Variants in THADA observed in about 807,000 individuals in gnomAD.
THADA encodes the protein tRNA (32-2'-O)-methyltransferase regulator THADA.
A neutral mutation model predicts 219.8 loss-of-function variants in THADA; 213 were observed. The observed-to-expected ratio is 0.97, with a 90% confidence interval of 0.87 to 1.09. The LOEUF (loss-of-function observed/expected upper bound fraction) is 1.09, where lower values mean the gene tolerates loss of function less well. Among genes scored for constraint, THADA ranks in the 50% least tolerant of loss-of-function variants. The probability of loss-of-function intolerance (pLI) is 0.00; values close to 1 mark genes in which losing one functional copy is unlikely to be tolerated. For synonymous variants in THADA, 1,018 were observed against 828.9 expected (o/e 1.23, Z -3.92); for missense variants, 2,956 against 2,311.3 (o/e 1.28, Z -5.72).
In THADA at chr2:43,515,042, A is replaced by T. The variant is rs1349311575; in HGVS notation, c.3375-6262T>A. Reference sequence around the variant, plus strand: ...TATTTTATATATAATATATATAAATATATATATTTTATATATAATATATTT... The same window carrying T: ...TATTTTATATATAATATATATAAATTTATATATTTTATATATAATATATTT... On this transcript the variant is annotated intron_variant, in intron 22 of 37. Coordinates refer to ENST00000405975, the MANE Select transcript of THADA (RefSeq NM_022065.5). Among the ~76,000 whole-genome samples, 2 of 53,522 alleles carry T rather than the reference A, an allele frequency of 3.7e-5. 1 individual carries two copies. The highest frequency in any genetic ancestry group is 6.0e-5 in the Non-Finnish European group (2 of 33,414). 35.1% of individuals were successfully genotyped at this position (53,522 alleles called of 152,430 possible). A position where few individuals can be genotyped will look rare whatever the true frequency, so the allele number is the denominator to read the frequency against.
intron 22 of THADA, among the ~76,000 whole-genome samples, chr2:43,523,185 C>T (rs1007435406): frequency 3.0e-4 from 45 of 151,736 alleles, no homozygotes; most frequent in African/African-American, 9.9e-4. Flanking sequence ...AGCAACATGG[C>T]GAAACCCCAT....
At chr2:43,579,834 C>G (rs975389723) in intron 8 of THADA, among the ~76,000 whole-genome samples, 2 of 152,218 alleles carry the variant, frequency 1.3e-5, no homozygotes, top group South Asian at 2.1e-4. Context: ...AGCAGAAAAG[C>G]AGAAAATGTG....
At chr2:43,303,841 T>C (rs1364587142) in intron 31 of THADA, among the ~76,000 whole-genome samples, 1 of 151,542 alleles carries the variant, frequency 6.6e-6, no homozygotes, top group Non-Finnish European at 1.5e-5. Context: ...AGACCGGCGG[T>C]TCTCAAACTT....
chr2:43,278,414 T>G (rs1248799275), intron 36 of THADA, among the ~76,000 whole-genome samples: 1 of 152,178 alleles, frequency 6.6e-6, no homozygotes, highest in Non-Finnish European at 1.5e-5. Context: ...ATCTACTGAG[T>G]ATTATATTCC....
At chr2:43,244,860 C>G (rs1668970490) in intron 36 of THADA, among the ~76,000 whole-genome samples, 1 of 152,214 alleles carries the variant, frequency 6.6e-6, no homozygotes, top group Non-Finnish European at 1.5e-5. Context: ...CACTTCATTC[C>G]TATCTGCATG....
rs753559983 is a variant in THADA at position 43,430,281 on chromosome 2, G to A, written c.3858C>T (p.Phe1286=). Residue 1286 remains phenylalanine, a synonymous_variant, in exon 27 of 38, where the codon TTC becomes TTT. Transcript: ENST00000405975. The part of the protein sequence containing the change: ...KTNRMTGREF[F]SRFPELYPFL... ...AAGGATAGAGTTCTGGGAAACGAGA[G>A]AAAAACTCTCTCCCTGTCATTCTGT... 1.5e-5 allele frequency: 24 copies of A among 1,548,632 alleles called. No individual in the cohort carries two copies. The South Asian group carries it at 2.7e-4, about 17-fold the overall frequency.
intron 8 of THADA, among the ~76,000 whole-genome samples, chr2:43,580,198 T>C (rs886864123): frequency 6.6e-6 from 1 of 151,136 alleles, no homozygotes; most frequent in Admixed American, 6.6e-5. Context: ...CTAATGTTTT[T>C]TTTTGTATTT....
chr2:43,399,557 T>C (rs1674523049), intron 28 of THADA, among the ~76,000 whole-genome samples: 1 of 152,030 alleles, frequency 6.6e-6, no homozygotes, highest in African/African-American at 2.4e-5. Context: ...AAAAGAAGTA[T>C]GGGGTGTTTA....
At chr2:43,424,636 T>C (rs886143231) in intron 28 of THADA, among the ~76,000 whole-genome samples, 1 of 152,226 alleles carries the variant, frequency 6.6e-6, no homozygotes, top group African/African-American at 2.4e-5. Context: ...GCATACAGTT[T>C]TATCACATTC....
intron 26 of THADA, among the ~76,000 whole-genome samples, chr2:43,437,112 A>T (rs993540754): frequency 1.3e-5 from 2 of 152,214 alleles, no homozygotes; most frequent in Middle Eastern, 3.2e-3. Context: ...TCAATTAAAA[A>T]CATGGTACAA....
At chr2:43,261,216 CTTTTTTTTTT>C (rs1181680289) in intron 36 of THADA, among the ~76,000 whole-genome samples, 7,896 of 77,386 alleles carry the variant, frequency 0.1, 320 homozygotes, top group South Asian at 0.28. Flanking sequence ...TTGTGCATTT[CTTTTTTTTTT>C]TTTTTTTTTT....
intron 26 of THADA, among the ~76,000 whole-genome samples, chr2:43,475,111 T>C (rs185696559): frequency 6.6e-6 from 1 of 152,240 alleles, no homozygotes; most frequent in African/African-American, 2.4e-5. Flanking sequence ...AAATAATTAA[T>C]AATCCCAACA....
rs776347080 is a variant in THADA at position 43,574,473 on chromosome 2, A to T, written c.1592T>A (p.Leu531His). Residue 531 changes from leucine to histidine, a missense_variant, in exon 11 of 38, where the codon CTT becomes CAT. Leu to His is a moderately conservative substitution (Grantham distance 99, BLOSUM62 -3). Coordinates refer to ENST00000405975, the MANE Select transcript of THADA (RefSeq NM_022065.5). Reference protein sequence around the residue: ...QWHETWVSPLLFILCEGNLDQ... With the variant: ...QWHETWVSPLHFILCEGNLDQ... Reference sequence around the variant, plus strand: ...CAAGTTTCCTTCACACAATATAAAAAGGAGAGGAGAAACCCAAGTCTCATG... The same window carrying T: ...CAAGTTTCCTTCACACAATATAAAATGGAGAGGAGAAACCCAAGTCTCATG... The T allele has an allele frequency of 3.7e-6, 6 of 1,613,852 alleles. No homozygotes were observed. In the South Asian group the frequency reaches 6.6e-5, roughly 18 times the overall value.
At chr2:43,346,567 G>T (rs1005120532) in intron 29 of THADA, among the ~76,000 whole-genome samples, 19 of 152,184 alleles carry the variant, frequency 1.2e-4, no homozygotes, top group Admixed American at 6.5e-5. Context: ...CAAGCACAGA[G>T]AAACCAAAGC....
At chr2:43,506,626 G>T (rs746271128) in intron 23 of THADA, among the ~76,000 whole-genome samples, 4 of 152,154 alleles carry the variant, frequency 2.6e-5, no homozygotes, top group African/African-American at 9.7e-5. Flanking sequence ...GAGGTTTCAT[G>T]GGTTGATGTT....
chr2:43,585,300 A>G (rs1700888627), intron 7 of THADA, among the ~76,000 whole-genome samples: 1 of 150,640 alleles, frequency 6.6e-6, no homozygotes, highest in East Asian at 2.0e-4. Flanking sequence ...ACTTGAGCCA[A>G]TGAGTTCAAG....
chr2:43,526,915 A>AG (rs989662064), intron 22 of THADA, among the ~76,000 whole-genome samples: 13 of 149,380 alleles, frequency 8.7e-5, no homozygotes, highest in Admixed American at 8.0e-4. Context: ...TTGTGTTTTG[A>AG]GGGAAAAAAA....
At chr2:43,249,565 C>G (rs538807480) in intron 36 of THADA, among the ~76,000 whole-genome samples, 24 of 152,348 alleles carry the variant, frequency 1.6e-4, no homozygotes, top group African/African-American at 5.5e-4. Context: ...ACATTAAAGA[C>G]TCTTTCTACG....
At chr2:43,233,590 C>T (rs982415174) in intron 36 of THADA, among the ~76,000 whole-genome samples, 3 of 152,070 alleles carry the variant, frequency 2.0e-5, no homozygotes, top group Non-Finnish European at 2.9e-5. Flanking sequence ...CCCTCTGTCT[C>T]GGAGTTTTTT....
Sources: allele counts gnomAD v4.1 joint callset (sites outside exome capture counted in the v4.1 genomes callset), GRCh38; gene constraint gnomAD v4.1.1; transcripts MANE v1.5; gene names NCBI Gene and HGNC (gene_info 2026-07-23, HGNC 2026-07-21).